The following RAB38 variants were observed in gnomAD, a reference collection of about 807,000 sequenced individuals.
RAB38 encodes the protein ras-related protein Rab-38.
A neutral mutation model predicts 18.4 loss-of-function variants in RAB38; 15 were observed. The ratio of observed to expected loss-of-function variants is 0.82; its 90% CI spans 0.55 to 1.26. RAB38 has a LOEUF of 1.26. RAB38 is among the 50% of genes most tolerant of loss of function. RAB38 has a pLI of 0.00. For missense variants in RAB38, 294 were observed against 267.4 expected (o/e 1.10, Z -0.69); for synonymous variants, 101 against 104.4 (o/e 0.97, Z 0.20).
chr11:87,841,124 G>C, the RAB38 span, among the ~76,000 whole-genome samples: 1 of 152,120 alleles, frequency 6.6e-6, no homozygotes, highest in Non-Finnish European at 1.5e-5. Flanking sequence ...ATTTAGAATA[G>C]TGCCTGGTAC....
At chr11:87,975,017 G>A in the RAB38 span, among the ~76,000 whole-genome samples, 1 of 151,946 alleles carries the variant, frequency 6.6e-6, no homozygotes, top group East Asian at 1.9e-4. Flanking sequence ...TGGAAAAGCC[G>A]TTCTATGCCT....
chr11:88,004,128 T>C, the RAB38 span, among the ~76,000 whole-genome samples: 3 of 147,536 alleles, frequency 2.0e-5, no homozygotes, highest in African/African-American at 7.4e-5. Flanking sequence ...TAGCAGTTAT[T>C]AAAATACTGA....
chr11:88,073,312 T>C, the RAB38 span, among the ~76,000 whole-genome samples: 1 of 152,200 alleles, frequency 6.6e-6, no homozygotes, highest in Non-Finnish European at 1.5e-5. Context: ...ACAGGAAGTT[T>C]GTTCCACAGT....
At chr11:88,092,956 T>C in the RAB38 span, among the ~76,000 whole-genome samples, 1 of 151,814 alleles carries the variant, frequency 6.6e-6, no homozygotes, top group African/African-American at 2.4e-5. Flanking sequence ...CTTCATAAAG[T>C]GTGGAAAAAT....
At chr11:88,064,899 T>C in the RAB38 span, among the ~76,000 whole-genome samples, 4 of 152,352 alleles carry the variant, frequency 2.6e-5, no homozygotes, top group Admixed American at 2.6e-4. Context: ...AAACAGTGTT[T>C]CTGGTCACAT....
chr11:88,127,323 T>C (rs1160005942), intron 2 of RAB38, among the ~76,000 whole-genome samples: 1 of 152,192 alleles, frequency 6.6e-6, no homozygotes, highest in Non-Finnish European at 1.5e-5. Flanking sequence ...AGATTCAAGT[T>C]GGGATGGGAG....
chr11:88,109,053 T>A (rs746087209), downstream of RAB38, among the ~76,000 whole-genome samples: 9 of 152,156 alleles, frequency 5.9e-5, no homozygotes, highest in Non-Finnish European at 1.2e-4. Context: ...GACCTTTCTC[T>A]CTGGCTGCCC....
chr11:87,868,028 T>G, the RAB38 span, among the ~76,000 whole-genome samples: 1 of 151,724 alleles, frequency 6.6e-6, no homozygotes, highest in African/African-American at 2.4e-5. Context: ...GATTGATACA[T>G]GGAAATGATC....
chr11:87,956,366 C>T, the RAB38 span, among the ~76,000 whole-genome samples: 2 of 152,086 alleles, frequency 1.3e-5, no homozygotes. Context: ...CAAAAATATC[C>T]TTTAGTCATC....
At chr11:88,148,902 C>G (rs1943025934) in intron 2 of RAB38, among the ~76,000 whole-genome samples, 1 of 151,398 alleles carries the variant, frequency 6.6e-6, no homozygotes, top group Non-Finnish European at 1.5e-5. Context: ...TATGGATTTT[C>G]AAATTTTGCC....
intron 1 of RAB38, among the ~76,000 whole-genome samples, chr11:88,154,686 C>T (rs72960973): frequency 6.6e-5 from 10 of 152,304 alleles, no homozygotes; most frequent in South Asian, 2.1e-4. Flanking sequence ...GGCATTCAGA[C>T]GACCTGTTCA....
At chr11:87,824,458 T>C in the RAB38 span, among the ~76,000 whole-genome samples, 1 of 151,796 alleles carries the variant, frequency 6.6e-6, no homozygotes, top group African/African-American at 2.4e-5. Context: ...GTCAGAAAAA[T>C]GAACATAAAA....
chr11:87,918,746 G>A, the RAB38 span, among the ~76,000 whole-genome samples: 322 of 145,238 alleles, frequency 2.2e-3, no homozygotes, highest in African/African-American at 8.6e-3. Flanking sequence ...TATGAGTTAA[G>A]TTTCAAATAT....
chr11:87,850,554 G>C, the RAB38 span, among the ~76,000 whole-genome samples: 19 of 152,164 alleles, frequency 1.2e-4, 1 homozygote, highest in South Asian at 3.3e-3. Context: ...CTACTCTCTT[G>C]TGTTGGCTCA....
At chr11:87,907,008 A>C in the RAB38 span, among the ~76,000 whole-genome samples, 2 of 151,890 alleles carry the variant, frequency 1.3e-5, no homozygotes, top group African/African-American at 4.8e-5. Context: ...TGCTTTTATT[A>C]ATAAGGCTGT....
chr11:87,874,963 T>C, the RAB38 span, among the ~76,000 whole-genome samples: 1 of 151,330 alleles, frequency 6.6e-6, no homozygotes, highest in Non-Finnish European at 1.5e-5. Context: ...TTCAAAGGAG[T>C]TGAAATCAAT....
the RAB38 span, among the ~76,000 whole-genome samples, chr11:88,090,620 A>C: frequency 6.6e-6 from 1 of 152,014 alleles, no homozygotes; most frequent in African/African-American, 2.4e-5. Context: ...TACAGAGAAT[A>C]ACTTTAGGGC....
the RAB38 span, among the ~76,000 whole-genome samples, chr11:88,053,312 GAATA>G: frequency 1.1e-5 from 1 of 90,714 alleles, no homozygotes; most frequent in Non-Finnish European, 2.1e-5. Context: ...CATATATATG[GAATA>G]TATATATACA....
the RAB38 span, among the ~76,000 whole-genome samples, chr11:88,010,265 T>A: frequency 3.2e-4 from 48 of 147,882 alleles, no homozygotes; most frequent in African/African-American, 1.0e-3. Flanking sequence ...CAGTTCAAAA[T>A]ATTTATTTGT....
Sources: gnomAD v4.1 joint callset for allele counts (sites outside exome capture counted in the v4.1 genomes callset) on GRCh38, gnomAD v4.1.1 for gene constraint, MANE v1.5 for transcripts, NCBI Gene and HGNC (gene_info 2026-07-23, HGNC 2026-07-21) for gene names.